TSEN2: variants seen among roughly 807,000 people sequenced by gnomAD.
TSEN2 encodes the protein tRNA splicing endonuclease subunit 2.
In TSEN2, 54 loss-of-function variants were observed where a neutral mutation model predicts 59.2. The ratio of observed to expected loss-of-function variants is 0.91; its 90% CI spans 0.73 to 1.14. The LOEUF is 1.14. Among genes scored for constraint, TSEN2 ranks in the 50% most tolerant of loss-of-function variants. The probability of loss-of-function intolerance (pLI) is 0.00; values close to 1 mark genes in which losing one functional copy is unlikely to be tolerated. For synonymous variants in TSEN2, 195 were observed against 198.2 expected, an observed-to-expected ratio of 0.98 and a Z score of 0.14; for missense variants, 636 against 576.2, an observed-to-expected ratio of 1.10 and a Z score of -1.06.
chr3:12,488,486 C>T (rs181968936), intron 1 of TSEN2, among the ~76,000 whole-genome samples: 3 of 152,270 alleles, frequency 2.0e-5, no homozygotes, highest in Admixed American at 2.0e-4. Flanking sequence ...TATATGGTTA[C>T]GTTTTCCTAG....
At chr3:12,539,177 A>G in exon 11 of TSEN2, 1 of 433,034 alleles carries the variant, frequency 2.3e-6, no homozygotes, top group Non-Finnish European at 4.5e-6. Context: ...TCTGTCGTCC[A>G]GGCTGGAGTC....
chr3:12,490,419 G>C (rs2053099771), intron 2 of TSEN2, among the ~76,000 whole-genome samples: 1 of 152,160 alleles, frequency 6.6e-6, no homozygotes, highest in South Asian at 2.1e-4. Flanking sequence ...GGATCAGATG[G>C]GGCTTTGGCA....
intron 11 of TSEN2, among the ~76,000 whole-genome samples, chr3:12,532,236 A>C (rs1467952701): frequency 6.6e-6 from 1 of 152,086 alleles, no homozygotes; most frequent in African/African-American, 2.4e-5. Context: ...CCAGGGCCCC[A>C]GCACGTCTTC....
At chr3:12,516,444 A>ATGTGTG (rs1289799497) in intron 6 of TSEN2, among the ~76,000 whole-genome samples, 167 bp from the exon 7 acceptor site, 69 of 51,626 alleles carry the variant, frequency 1.3e-3, no homozygotes, top group Middle Eastern at 8.3e-3. Context: ...CAAACAAAAT[A>ATGTGTG]TATGTGTGTG....
chr3:12,535,395 A>C, downstream of TSEN2, among the ~76,000 whole-genome samples: 1 of 152,368 alleles, frequency 6.6e-6, no homozygotes, highest in Admixed American at 6.5e-5. Flanking sequence ...TGTAAAAGTC[A>C]TATTTGTAAA....
intron 8 of TSEN2, 49 bp from the exon 9 acceptor site, chr3:12,528,839 C>G (rs748018343): frequency 6.2e-7 from 1 of 1,602,738 alleles, no homozygotes; most frequent in Admixed American, 1.7e-5. Context: ...TTACTCCTCT[C>G]TCATTATTTT....
At chr3:12,481,923 GTATATA>G (rs10557886), upstream of TSEN2, among the ~76,000 whole-genome samples, 12 of 148,398 alleles carry the variant, frequency 8.1e-5, no homozygotes, top group Non-Finnish European at 1.5e-4. Context: ...GTGTGTCTGC[GTATATA>G]TATATATATA....
intron 1 of TSEN2, among the ~76,000 whole-genome samples, chr3:12,488,844 C>T (rs2052914824): frequency 1.3e-5 from 2 of 152,202 alleles, no homozygotes; most frequent in African/African-American, 2.4e-5. Context: ...AGGGCATGGG[C>T]TTGGGAGTTC....
intron 8 of TSEN2, among the ~76,000 whole-genome samples, chr3:12,523,016 G>A (rs2056773043): frequency 6.6e-6 from 1 of 152,138 alleles, no homozygotes; most frequent in Non-Finnish European, 1.5e-5. Flanking sequence ...GCTTCCTTTT[G>A]TAGCAGAGGA....
chr3:12,530,913 T>G lies in TSEN2; in HGVS notation c.1249-657T>G, dbSNP rs369826683. On this transcript the variant is annotated intron_variant, in intron 10 of 11. Transcript: ENST00000284995. ...GTACATCTGTATTAGTCCATTCTCA[T>G]GCTGCTATAAAGAAATACTTGAGAC... 13 of 237,370 alleles carry G rather than the reference T, an allele frequency of 5.5e-5. No individual in the cohort carries two copies. The East Asian group carries it at 1.6e-3, about 29-fold the overall frequency. The allele number at this position is 237,370 out of a possible 1,614,324, so 14.7% of individuals were successfully genotyped here.
chr3:12,488,684 G>A (rs761143805), intron 1 of TSEN2, among the ~76,000 whole-genome samples: 3 of 152,202 alleles, frequency 2.0e-5, no homozygotes, highest in African/African-American at 4.8e-5. Flanking sequence ...GACACGTACT[G>A]GCTTTGGCTT....
intron 3 of TSEN2, among the ~76,000 whole-genome samples, chr3:12,495,892 T>G (rs2053698606): frequency 6.6e-6 from 1 of 152,248 alleles, no homozygotes; most frequent in Non-Finnish European, 1.5e-5. Flanking sequence ...GCCCTGCTTA[T>G]GCCTGGGGTA....
chr3:12,509,000 A>G (rs1380194964), intron 6 of TSEN2, among the ~76,000 whole-genome samples: 2 of 152,102 alleles, frequency 1.3e-5, no homozygotes, highest in African/African-American at 2.4e-5. Flanking sequence ...ACCTAGAATT[A>G]CAGGTGCATG....
intron 6 of TSEN2, chr3:12,506,600 C>A: frequency 4.5e-6 from 3 of 673,320 alleles, no homozygotes; most frequent in Non-Finnish European, 5.5e-6. Flanking sequence ...AAAAAAGTGG[C>A]TAAAAGTGGC....
rs1163842597 is a variant in TSEN2, at chr3:12,503,604, G to T, written c.651G>T (p.Leu217=). 3 of 1,596,188 alleles carry T rather than the reference G, an allele frequency of 1.9e-6. No individual in the cohort carries two copies. The highest frequency in any genetic ancestry group is 2.6e-6 in the Non-Finnish European group (3 of 1,169,906). The change falls in exon 5 of 12, where the codon CTG becomes CTT. Residue 217 remains leucine, a synonymous_variant. Transcript: ENST00000284995. ...GCGTGCGAGAGGATGCCTCACCTCT[G>T]CCCCATGTCTGTTGCTGCAAACAAG... ...EKSVREDASP[L]PHVCCCKQDA...
chr3:12,480,536 T>G (rs1207399248), upstream of TSEN2, among the ~76,000 whole-genome samples: 2 of 141,728 alleles, frequency 1.4e-5, no homozygotes, highest in South Asian at 2.3e-4. Context: ...TTGTTTTTTT[T>G]TTTTTTTTTT....
intron 6 of TSEN2, among the ~76,000 whole-genome samples, chr3:12,516,251 G>A (rs1035120721): frequency 3.3e-5 from 5 of 151,922 alleles, no homozygotes; most frequent in African/African-American, 7.3e-5. Flanking sequence ...TGTGAAACCC[G>A]TCTCTACTGA....
At chr3:12,521,680 A>C (rs899805966) in intron 8 of TSEN2, among the ~76,000 whole-genome samples, 1 of 151,262 alleles carries the variant, frequency 6.6e-6, no homozygotes, top group Non-Finnish European at 1.5e-5. Context: ...ACACCACTGC[A>C]CTCCAGCCTG....
downstream of TSEN2, among the ~76,000 whole-genome samples, chr3:12,536,800 A>G (rs55803132): frequency 6.1e-3 from 932 of 152,124 alleles, 4 homozygotes; most frequent in Middle Eastern, 0.014. Flanking sequence ...CAGGAGTTCA[A>G]AAACTAGAGT....
Sources: allele counts gnomAD v4.1 joint callset (sites outside exome capture counted in the v4.1 genomes callset), GRCh38; gene constraint gnomAD v4.1.1; transcripts MANE v1.5; gene names NCBI Gene and HGNC (gene_info 2026-07-23, HGNC 2026-07-21).